Variants in HACE1 observed in about 807,000 individuals in gnomAD.
HACE1 encodes the protein E3 ubiquitin-protein ligase HACE1.
In HACE1, 73 loss-of-function variants were observed where a neutral mutation model predicts 118.4. The ratio of observed to expected loss-of-function variants is 0.62; its 90% confidence interval spans 0.51 to 0.75. The LOEUF is 0.75. HACE1 is among the 30% of genes least tolerant of loss of function. HACE1 has a pLI of 0.00. For synonymous variants in HACE1, 368 were observed against 374.8 expected (o/e 0.98, Z 0.21); for missense variants, 749 against 1,102.2 (o/e 0.68, Z 4.54).
rs1381239211 is a variant in HACE1 at position 104,850,897 on chromosome 6, TTA to T, written c.221+8_221+9del. 6.6e-7 allele frequency: 1 copy of T among 1,511,670 alleles called. No homozygotes were observed. Among genetic ancestry groups the T allele is most frequent in the Non-Finnish European group, 9.2e-7 (1 of 1,086,678 alleles). 93.6% of individuals were successfully genotyped at this position (1,511,670 alleles called of 1,614,324 possible). A position where few individuals can be genotyped will look rare whatever the true frequency, so the allele number is the denominator to read the frequency against. On this transcript the variant is annotated splice_region_variant and intron_variant, in intron 3 of 23. Transcript: ENST00000262903. ...GATCAGAGTTTAACTCAAAATATCT[TTA>T]GTCTTACTTTGCTGCAATGTGAAGC...
intron 19 of HACE1, among the ~76,000 whole-genome samples, chr6:104,752,064 C>T (rs1778114932): frequency 6.6e-6 from 1 of 151,992 alleles, no homozygotes; most frequent in Non-Finnish European, 1.5e-5. Context: ...ACAGAAGTGT[C>T]ACAGTAGATT....
chr6:104,732,224 A>T (rs1006859361), intron 22 of HACE1: 2 of 152,198 alleles, frequency 1.3e-5, no homozygotes, highest in Non-Finnish European at 2.9e-5. Flanking sequence ...GTATATATCC[A>T]AAAGAACTGA....
chr6:104,859,750 CT>C lies in HACE1; in HGVS notation c.-109del. The C allele has an allele frequency of 1.9e-6, 2 of 1,037,658 alleles. No individual in the cohort carries two copies. The highest frequency in any genetic ancestry group is 2.8e-6 in the Non-Finnish European group (2 of 717,214). The allele number at this position is 1,037,658 out of a possible 1,614,324, so 64.3% of individuals were successfully genotyped here. On this transcript the variant is annotated 5_prime_UTR_variant, in exon 1 of 24. Transcript: ENST00000262903. ...CCCGTCCAGCAGGCGGAGACGCGGGCTTGCCCCGGCTAGAGCACTGAGCTGC... is the reference window on the plus strand; with the variant it reads ...CCCGTCCAGCAGGCGGAGACGCGGGCTGCCCCGGCTAGAGCACTGAGCTGC...
intron 4 of HACE1, among the ~76,000 whole-genome samples, chr6:104,847,640 C>A (rs1052994059): frequency 2.0e-5 from 3 of 152,046 alleles, no homozygotes; most frequent in African/African-American, 7.2e-5. Flanking sequence ...AAAAATTTGG[C>A]CTCGGATTGA....
intron 22 of HACE1, among the ~76,000 whole-genome samples, chr6:104,734,445 T>C (rs1775591973): frequency 6.6e-6 from 1 of 152,150 alleles, no homozygotes; most frequent in Non-Finnish European, 1.5e-5. Flanking sequence ...TTTATACTTT[T>C]GGTTTTGAAT....
intron 20 of HACE1, among the ~76,000 whole-genome samples, chr6:104,748,079 T>G (rs2114542975): frequency 6.6e-6 from 1 of 151,840 alleles, no homozygotes; most frequent in African/African-American, 2.4e-5. Flanking sequence ...AAAAGCTTCT[T>G]CCATCAAAAA....
At position 104,729,373 on chromosome 6, in the gene HACE1, A is replaced by G. The variant is rs903214240; in HGVS notation, c.*289T>C. The G allele has an allele frequency of 5.3e-6, 2 of 374,680 alleles. No individual in the cohort carries two copies. Among genetic ancestry groups the G allele is most frequent in the African/African-American group, 4.2e-5 (2 of 47,872 alleles). The allele number at this position is 374,680 out of a possible 1,614,324, so 23.2% of individuals were successfully genotyped here. ...GAATGTAGAATCAGATTTTGCCTTAATACAATCTTGGATAAAATTAATTAT... is the reference window on the plus strand; with the variant it reads ...GAATGTAGAATCAGATTTTGCCTTAGTACAATCTTGGATAAAATTAATTAT... On this transcript the variant is annotated 3_prime_UTR_variant, in exon 24 of 24. Coordinates refer to ENST00000262903, the MANE Select transcript of HACE1 (RefSeq NM_020771.4).
chr6:104,812,222 G>A (rs542857210), intron 6 of HACE1, among the ~76,000 whole-genome samples: 3 of 152,034 alleles, frequency 2.0e-5, no homozygotes, highest in Non-Finnish European at 4.4e-5. Flanking sequence ...GCAATAGGTG[G>A]CTTGAGGCCA....
chr6:104,766,922 A>T (rs952239182), intron 19 of HACE1: 65 of 152,214 alleles, frequency 4.3e-4, no homozygotes, highest in Admixed American at 3.7e-3. Context: ...TGCATGGAGA[A>T]AGCTACTTAG....
At chr6:104,775,748 C>G (rs1161828543) in intron 17 of HACE1, among the ~76,000 whole-genome samples, 1 of 152,232 alleles carries the variant, frequency 6.6e-6, no homozygotes, top group African/African-American at 2.4e-5. Context: ...AAACCCATCA[C>G]AGGGATGAAT....
intron 7 of HACE1, among the ~76,000 whole-genome samples, chr6:104,799,389 C>T (rs1770044973): frequency 6.6e-6 from 1 of 152,210 alleles, no homozygotes; most frequent in African/African-American, 2.4e-5. Context: ...GATTTCTCTA[C>T]TTTGCTTCCA....
chr6:104,786,434 A>C (rs529033589), intron 11 of HACE1: 2 of 150,982 alleles, frequency 1.3e-5, no homozygotes, highest in South Asian at 2.1e-4. Flanking sequence ...AGGAGAGAAT[A>C]AACTATTTCC....
At chr6:104,761,013 G>C (rs1300931571) in intron 19 of HACE1, among the ~76,000 whole-genome samples, 1 of 152,120 alleles carries the variant, frequency 6.6e-6, no homozygotes, top group Non-Finnish European at 1.5e-5. Flanking sequence ...CCCCTTCAAG[G>C]AGAACTACAA....
Position 104,811,381 on chromosome 6 carries a change from A to C in HACE1, c.547T>G (p.Leu183Val). ...TTAATATCAGCACCACTGTCTAGCAAGCACTGCACTGTCTGAGGGGGAAAA... is the reference window on the plus strand; with the variant it reads ...TTAATATCAGCACCACTGTCTAGCACGCACTGCACTGTCTGAGGGGGAAAA... ...QNGHKTTVQC[L>V]LDSGADINRP... The change falls in exon 7 of 24, where the codon TTG becomes GTG. Residue 183 changes from leucine to valine, a missense_variant. By Grantham distance (32) the Leu-to-Val change is conservative. Transcript: ENST00000262903. 1 of 1,492,800 alleles carries C rather than the reference A, an allele frequency of 6.7e-7. No individual in the cohort carries two copies. The highest frequency in any genetic ancestry group is 9.3e-7 in the Non-Finnish European group (1 of 1,071,248). The allele number at this position is 1,492,800 out of a possible 1,614,324, so 92.5% of individuals were successfully genotyped here.
chr6:104,797,000 T>C lies in HACE1; in HGVS notation c.643A>G (p.Ile215Val). Reference protein sequence around the residue: ...CSHGQRDTAQILLLRGAKYLP... With the variant: ...CSHGQRDTAQVLLLRGAKYLP... Reference sequence around the variant, plus strand: ...TATTTGGCTCCTCGTAATAGTAGGATCTGTGCTGTATCTCTCTGACCATGA... The same window carrying C: ...TATTTGGCTCCTCGTAATAGTAGGACCTGTGCTGTATCTCTCTGACCATGA... The change falls in exon 8 of 24, where the codon ATC becomes GTC. Residue 215 changes from isoleucine (I) to valine (V), a missense_variant. Physicochemically the swap from Ile to Val is conservative, Grantham distance 29 (BLOSUM62 3). This residue lies in a region of HACE1 where 267 missense variants were observed against 312.2 expected (regional missense o/e 0.86). Coordinates refer to ENST00000262903, the MANE Select transcript of HACE1 (RefSeq NM_020771.4). The C allele has an allele frequency of 6.3e-7, 1 of 1,596,256 alleles. No homozygotes were observed. Among genetic ancestry groups the C allele is most frequent in the Non-Finnish European group, 8.6e-7 (1 of 1,163,844 alleles).
intron 1 of HACE1, chr6:104,859,347 C>A (rs556334975): frequency 5.8e-6 from 3 of 513,710 alleles, no homozygotes; most frequent in African/African-American, 2.1e-5. Flanking sequence ...GCGGAACCCC[C>A]ACCAACCCAG....
At chr6:104,835,654 C>A (rs1331310796) in intron 5 of HACE1, among the ~76,000 whole-genome samples, 1 of 152,040 alleles carries the variant, frequency 6.6e-6, no homozygotes, top group African/African-American at 2.4e-5. Context: ...AAAAAGAAAT[C>A]ATGAAAGTAA....
intron 19 of HACE1, among the ~76,000 whole-genome samples, chr6:104,754,978 A>G (rs969085011): frequency 2.0e-5 from 3 of 152,210 alleles, no homozygotes; most frequent in Non-Finnish European, 4.4e-5. Context: ...CCCCAATTAA[A>G]AGACCAAGAA....
chr6:104,785,248 T>G lies in HACE1; in HGVS notation c.1146A>C (p.Lys382Asn), dbSNP rs781586315. The change falls in exon 12 of 24, where the codon AAA (lysine) becomes AAC (asparagine). Residue 382 changes from lysine to asparagine, a missense_variant. This residue lies in a region of HACE1 where 267 missense variants were observed against 312.2 expected (regional missense o/e 0.86). Coordinates refer to ENST00000262903, the MANE Select transcript of HACE1 (RefSeq NM_020771.4). ...VLIATELMKNKRDSTEITSIL... is the reference protein window; with the variant it reads ...VLIATELMKNNRDSTEITSIL... ...TAGAAGTGATCTCTGTTGAGTCTCT[T>G]TTGTTTTTCATCAATTCTGTGGCTA... The G allele has an allele frequency of 6.2e-7, 1 of 1,613,194 alleles. No homozygotes were observed. Among genetic ancestry groups the G allele is most frequent in the South Asian group, 1.1e-5 (1 of 91,058 alleles).
Sources: allele counts gnomAD v4.1 joint callset (sites outside exome capture counted in the v4.1 genomes callset), GRCh38; gene constraint gnomAD v4.1.1; regional missense constraint gnomAD v4.1.1; transcripts MANE v1.5; gene names NCBI Gene and HGNC (gene_info 2026-07-23, HGNC 2026-07-21).